The following ARID4B variants were observed in gnomAD, a reference collection of about 807,000 sequenced individuals.
The protein encoded by ARID4B is AT-rich interaction domain 4B, also known as AT-rich interactive domain-containing protein 4B.
A neutral mutation model predicts 147.5 loss-of-function variants in ARID4B; 26 were observed. The ratio of observed to expected loss-of-function variants is 0.18; its 90% CI spans 0.13 to 0.24. The LOEUF (loss-of-function observed/expected upper bound fraction) is 0.24, where lower values mean the gene tolerates loss of function less well. Ranked by LOEUF, ARID4B falls within the 10% of genes least tolerant of loss-of-function variation. The pLI is 1.00. For missense variants in ARID4B, 1,179 were observed against 1,511.5 expected, an observed-to-expected ratio of 0.78 and a Z score of 3.65; for synonymous variants, 512 against 507.9, an observed-to-expected ratio of 1.01 and a Z score of -0.11.
In ARID4B at chr1:235,252,397, G is replaced by A. The variant is rs143396849; in HGVS notation, c.354+333C>T. On this transcript the variant is annotated intron_variant, in intron 6 of 23. Transcript: ENST00000264183. The stretch of plus-strand genomic sequence containing the variant: ...TTGTATCTACACATCCTTTAACTAC[G>A]ACAAGGATCAAGTAGATTACAAATC... Among the ~76,000 whole-genome samples, 502 of 152,188 alleles carry A rather than the reference G, an allele frequency of 3.3e-3. 4 individuals carry two copies. Among genetic ancestry groups the A allele is most frequent in the African/African-American group, 0.012 (484 of 41,520 alleles).
rs189226022 is a variant in ARID4B, at chr1:235,271,022, C to G, written c.7-10270G>C. Among the ~76,000 whole-genome samples, 121 of 152,062 alleles carry G rather than the reference C, an allele frequency of 8.0e-4. 1 individual carries two copies. The East Asian group carries it at 0.015, about 18-fold the overall frequency. On this transcript the variant is annotated intron_variant, in intron 2 of 23. Coordinates refer to ENST00000264183, the MANE Select transcript of ARID4B (RefSeq NM_016374.6). ...TTTTAGTATAACAAGTCACTAAAGA[C>G]AGCATCTGGAGAACATTTAAAAGAG... is the stretch of plus-strand genomic sequence containing the variant.
intron 2 of ARID4B, among the ~76,000 whole-genome samples, chr1:235,320,292 G>C (rs1396274157): frequency 6.6e-6 from 1 of 152,130 alleles, no homozygotes; most frequent in Non-Finnish European, 1.5e-5. Context: ...GCAACAGAGA[G>C]AGGCTCCGTC....
At chr1:235,220,936 T>C (rs538945798) in intron 14 of ARID4B, among the ~76,000 whole-genome samples, 1 of 152,276 alleles carries the variant, frequency 6.6e-6, no homozygotes, top group South Asian at 2.1e-4. Flanking sequence ...CTTACTCTGT[T>C]GCCCAGGCTG....
At chr1:235,292,452 A>G (rs962451475) in intron 2 of ARID4B, among the ~76,000 whole-genome samples, 3 of 151,972 alleles carry the variant, frequency 2.0e-5, no homozygotes, top group African/African-American at 7.2e-5. Context: ...CATCTCTACT[A>G]AAAATACAAC....
chr1:235,210,274 C>G (rs1343823433), intron 17 of ARID4B, among the ~76,000 whole-genome samples: 1 of 151,778 alleles, frequency 6.6e-6, no homozygotes, highest in Non-Finnish European at 1.5e-5. Flanking sequence ...TTAAAAAAAC[C>G]ATGGAAATAG....
At chr1:235,169,044 C>G (rs1042772739) in intron 23 of ARID4B, among the ~76,000 whole-genome samples, 1 of 152,208 alleles carries the variant, frequency 6.6e-6, no homozygotes, top group Non-Finnish European at 1.5e-5. Flanking sequence ...ATCCCTCCAT[C>G]TTTCTGTACT....
chr1:235,237,515 A>C (rs1024011739), intron 8 of ARID4B, among the ~76,000 whole-genome samples: 7 of 152,192 alleles, frequency 4.6e-5, no homozygotes, highest in African/African-American at 1.7e-4. Flanking sequence ...TGCATATTTA[A>C]TTTGTGCCGA....
At chr1:235,226,515 C>G (rs926591574) in intron 11 of ARID4B, among the ~76,000 whole-genome samples, 1 of 151,218 alleles carries the variant, frequency 6.6e-6, no homozygotes, top group Non-Finnish European at 1.5e-5. Context: ...CACCTGCCAC[C>G]ACGCCCAGCT....
chr1:235,254,310 T>C lies in ARID4B; in HGVS notation c.274+1350A>G, dbSNP rs1195941987. 2.6e-5 allele frequency among the ~76,000 whole-genome samples: 4 copies of C among 152,098 alleles called. No individual in the cohort carries two copies. The East Asian group carries it at 7.7e-4, about 29-fold the overall frequency. ...AAGACATTTTACTAGGTGTTTACTT[T>C]CATCTCTGAGGTCATTAAATGGTAA... On this transcript the variant is annotated intron_variant, in intron 5 of 23. Coordinates refer to ENST00000264183, the MANE Select transcript of ARID4B (RefSeq NM_016374.6).
chr1:235,193,541 G>C (rs1209347653), intron 19 of ARID4B, among the ~76,000 whole-genome samples: 1 of 152,118 alleles, frequency 6.6e-6, no homozygotes, highest in Non-Finnish European at 1.5e-5. Context: ...GCACAGAAAA[G>C]ATTAAAAAAC....
At chr1:235,234,635 C>G in intron 8 of ARID4B, 143 bp from the exon 9 acceptor site, 1 of 443,418 alleles carries the variant, frequency 2.3e-6, no homozygotes, top group Non-Finnish European at 4.1e-6. Flanking sequence ...CACACACACA[C>G]GTGGGAGCAC....
At chr1:235,264,503 G>T (rs1370951148) in intron 2 of ARID4B, among the ~76,000 whole-genome samples, 1 of 152,104 alleles carries the variant, frequency 6.6e-6, no homozygotes, top group Non-Finnish European at 1.5e-5. Context: ...AGAGAGGCAA[G>T]GTCCTAATCC....
chr1:235,312,266 C>CA (rs1374168334), intron 2 of ARID4B, among the ~76,000 whole-genome samples: 3 of 151,958 alleles, frequency 2.0e-5, no homozygotes, highest in African/African-American at 7.3e-5. Flanking sequence ...AGTCTGGTGA[C>CA]AGAGCGACAG....
intron 9 of ARID4B, among the ~76,000 whole-genome samples, chr1:235,233,050 C>A (rs1668342078): frequency 1.3e-5 from 2 of 152,282 alleles, no homozygotes; most frequent in South Asian, 4.1e-4. Context: ...GTTAGCCAGG[C>A]TGGTCTTGCA....
At chr1:235,244,817 T>C (rs1669200558) in intron 7 of ARID4B, among the ~76,000 whole-genome samples, 1 of 152,182 alleles carries the variant, frequency 6.6e-6, no homozygotes, top group African/African-American at 2.4e-5. Context: ...GAAGGTCAGA[T>C]GAATGCCCTT....
chr1:235,200,004 A>G (rs961307293), intron 17 of ARID4B, among the ~76,000 whole-genome samples: 57 of 97,188 alleles, frequency 5.9e-4, no homozygotes, highest in African/African-American at 2.4e-3. Flanking sequence ...AAGAATAGGG[A>G]AAAAAAAAAA....
At chr1:235,259,845 T>C (rs899746425) in intron 3 of ARID4B, among the ~76,000 whole-genome samples, 19 of 152,202 alleles carry the variant, frequency 1.2e-4, no homozygotes, top group African/African-American at 4.6e-4. Context: ...GTCTATGTAA[T>C]TGGTGAAATA....
chr1:235,168,792 C>A (rs983776629), intron 23 of ARID4B, 140 bp from the exon 24 acceptor site: 2 of 882,426 alleles, frequency 2.3e-6, no homozygotes, highest in African/African-American at 3.4e-5. Context: ...TCAATTCTCA[C>A]AGTTCTACGA....
At chr1:235,219,735 G>A in intron 16 of ARID4B, 58 bp downstream of exon 16, 1 of 1,354,010 alleles carries the variant, frequency 7.4e-7, no homozygotes, top group South Asian at 1.3e-5. Context: ...CATACAAAGA[G>A]CAAATGATAA....
Sources: gnomAD v4.1 joint callset for allele counts (sites outside exome capture counted in the v4.1 genomes callset) on GRCh38, gnomAD v4.1.1 for gene constraint, MANE v1.5 for transcripts, NCBI Gene and HGNC (gene_info 2026-07-23, HGNC 2026-07-21) for gene names.